SPRED1: variants seen among roughly 807,000 people sequenced by gnomAD.
The protein encoded by SPRED1 is sprouty related EVH1 domain containing 1.
SPRED1 carries 18 observed loss-of-function variants against 52.3 expected under a neutral mutation model. The ratio of observed to expected loss-of-function variants is 0.34; its 90% CI spans 0.24 to 0.51. The LOEUF is 0.51. Among genes scored for constraint, SPRED1 ranks in the 20% least tolerant of loss-of-function variants. The pLI is 0.97. For synonymous variants in SPRED1, 155 were observed against 179.7 expected, an observed-to-expected ratio of 0.86 and a Z score of 1.10; for missense variants, 485 against 551.0, an observed-to-expected ratio of 0.88 and a Z score of 1.20.
At chr15:38,257,019 C>T (rs1894111845) in intron 1 of SPRED1, among the ~76,000 whole-genome samples, 1 of 152,192 alleles carries the variant, frequency 6.6e-6, no homozygotes, top group South Asian at 2.1e-4. Context: ...TTTCCCTCTG[C>T]TTTCTCACTT....
chr15:38,287,308 C>G (rs1361696795), intron 1 of SPRED1, among the ~76,000 whole-genome samples: 3 of 152,152 alleles, frequency 2.0e-5, no homozygotes, highest in Non-Finnish European at 2.9e-5. Context: ...ACCTGGATTT[C>G]TAGCATGCCA....
At chr15:38,329,790 G>A (rs1004605386) in intron 4 of SPRED1, among the ~76,000 whole-genome samples, 4 of 151,892 alleles carry the variant, frequency 2.6e-5, no homozygotes, top group Non-Finnish European at 5.9e-5. Flanking sequence ...CTGGCATCTT[G>A]TATACAAATG....
At chr15:38,254,249 G>A (rs1360340391) in intron 1 of SPRED1, among the ~76,000 whole-genome samples, 1 of 152,280 alleles carries the variant, frequency 6.6e-6, no homozygotes, top group Middle Eastern at 3.4e-3. Flanking sequence ...TAAATACAGT[G>A]CATTACTAAA....
chr15:38,267,976 C>T (rs1894346637), intron 1 of SPRED1, among the ~76,000 whole-genome samples: 1 of 152,160 alleles, frequency 6.6e-6, no homozygotes, highest in African/African-American at 2.4e-5. Context: ...TAATTAAAAA[C>T]ATTTCATATT....
intron 5 of SPRED1, 23 bp from the exon 6 acceptor site, chr15:38,349,399 A>G: frequency 1.3e-6 from 2 of 1,543,430 alleles, no homozygotes; most frequent in Non-Finnish European, 1.8e-6. Context: ...GTGTCATTTA[A>G]GTAGAAATTG....
At chr15:38,284,929 A>G (rs1216833706) in intron 1 of SPRED1, among the ~76,000 whole-genome samples, 1 of 151,622 alleles carries the variant, frequency 6.6e-6, no homozygotes, top group Non-Finnish European at 1.5e-5. Context: ...GGTGGGATCT[A>G]GGAATCAGTT....
rs770396460 is a variant in SPRED1, at chr15:38,271,153, G to A, written c.32+17936G>A. 3.3e-5 allele frequency among the ~76,000 whole-genome samples: 5 copies of A among 152,210 alleles called. No homozygotes were observed. In the South Asian group the frequency reaches 6.2e-4, roughly 19 times the overall value. The stretch of plus-strand genomic sequence containing the variant: ...CTAATTATCCGTGTATCATGCCAAA[G>A]TGTGATATTATCTAAATGTCAGATG... On this transcript the variant is annotated intron_variant, in intron 1 of 6. Transcript: ENST00000299084.
At chr15:38,284,295 T>TA in intron 1 of SPRED1, among the ~76,000 whole-genome samples, 1 of 152,292 alleles carries the variant, frequency 6.6e-6, no homozygotes, top group East Asian at 1.9e-4. Flanking sequence ...ATAAACAATG[T>TA]TGATACACAG....
intron 5 of SPRED1, among the ~76,000 whole-genome samples, chr15:38,341,747 A>T (rs1896034715): frequency 6.6e-6 from 1 of 152,038 alleles, no homozygotes; most frequent in African/African-American, 2.4e-5. Context: ...ATTTGTTGGA[A>T]CTTGGTTGAT....
chr15:38,334,548 G>A (rs140478586), intron 4 of SPRED1, among the ~76,000 whole-genome samples: 26 of 152,150 alleles, frequency 1.7e-4, no homozygotes, highest in Non-Finnish European at 1.6e-4. Context: ...TATTTTAAAA[G>A]TAAAAATATG....
At chr15:38,302,305 C>A (rs1422870782) in intron 2 of SPRED1, among the ~76,000 whole-genome samples, 10 of 152,122 alleles carry the variant, frequency 6.6e-5, no homozygotes, top group Non-Finnish European at 1.3e-4. Flanking sequence ...ACTTTTCCAA[C>A]CTTTGATTTA....
intron 1 of SPRED1, among the ~76,000 whole-genome samples, chr15:38,274,670 G>T (rs1435688942): frequency 6.6e-6 from 1 of 152,136 alleles, no homozygotes; most frequent in Non-Finnish European, 1.5e-5. Context: ...TTCCACTAAT[G>T]TCCTTTTTCC....
At chr15:38,253,267 C>T (rs2140943538) in intron 1 of SPRED1, 50 bp downstream of exon 1, 1 of 1,537,742 alleles carries the variant, frequency 6.5e-7, no homozygotes, top group Non-Finnish European at 8.8e-7. Flanking sequence ...CCTATCCGCC[C>T]TCGGCTCTCC....
At chr15:38,335,158 G>A (rs1895886811) in intron 4 of SPRED1, among the ~76,000 whole-genome samples, 1 of 151,984 alleles carries the variant, frequency 6.6e-6, no homozygotes, top group African/African-American at 2.4e-5. Context: ...CAGGAAGAGA[G>A]GGCTCATTTC....
At chr15:38,314,031 G>A (rs986733783) in intron 2 of SPRED1, among the ~76,000 whole-genome samples, 6 of 151,750 alleles carry the variant, frequency 4.0e-5, no homozygotes, top group African/African-American at 9.7e-5. Flanking sequence ...AACTAAAGTT[G>A]TATTGCATTA....
In SPRED1 at chr15:38,288,277, C is replaced by A. The variant is rs550529972; in HGVS notation, c.33-11096C>A. 5.9e-5 allele frequency among the ~76,000 whole-genome samples: 9 copies of A among 152,228 alleles called. No individual in the cohort carries two copies. In the East Asian group the frequency reaches 9.6e-4, roughly 16 times the overall value. On this transcript the variant is annotated intron_variant, in intron 1 of 6. Transcript: ENST00000299084. ...TCAGGCTTGTTTACAACTAAACTTT[C>A]ATAACATATGTTATTGTCTTCATAG... is the stretch of plus-strand genomic sequence containing the variant.
rs1888534303 is a variant in SPRED1 at position 38,353,245 on chromosome 15, C to A, written c.*1581C>A. ...TTTTAAACGTCATTTATGTATCATT[C>A]TTTTTATATATCACACTTAAGCTTG... On this transcript the variant is annotated 3_prime_UTR_variant, in exon 7 of 7. Coordinates refer to ENST00000299084, the MANE Select transcript of SPRED1 (RefSeq NM_152594.3). The A allele has an allele frequency of 6.6e-6, 1 of 152,308 alleles. No individual in the cohort carries two copies. Among genetic ancestry groups the A allele is most frequent in the Non-Finnish European group, 1.5e-5 (1 of 67,872 alleles). 9.4% of individuals were successfully genotyped at this position (152,308 alleles called of 1,614,324 possible).
intron 1 of SPRED1, among the ~76,000 whole-genome samples, chr15:38,264,454 CAA>C (rs1212202259): frequency 6.6e-6 from 1 of 152,046 alleles, no homozygotes; most frequent in Non-Finnish European, 1.5e-5. Context: ...AATGGAAAGA[CAA>C]AGAGATTTTG....
intron 4 of SPRED1, among the ~76,000 whole-genome samples, chr15:38,337,282 T>C (rs1895942301): frequency 6.6e-6 from 1 of 152,188 alleles, no homozygotes; most frequent in Admixed American, 6.5e-5. Context: ...AGTAGGAAGA[T>C]ACTTTTTTCT....
Sources: gnomAD v4.1 joint callset for allele counts (sites outside exome capture counted in the v4.1 genomes callset) on GRCh38, gnomAD v4.1.1 for gene constraint, MANE v1.5 for transcripts, NCBI Gene and HGNC (gene_info 2026-07-23, HGNC 2026-07-21) for gene names.